The following SLC26A8 variants were observed in gnomAD, a reference collection of about 807,000 sequenced individuals.
SLC26A8 encodes the protein solute carrier family 26 member 8.
Under a neutral mutation model 105.0 loss-of-function variants are expected in SLC26A8, and 70 were observed. The observed-to-expected ratio is 0.67, with a 90% confidence interval of 0.55 to 0.81. SLC26A8 has a LOEUF of 0.81. SLC26A8 is among the 40% of genes least tolerant of loss of function. The pLI is 0.00. For missense variants in SLC26A8, 998 were observed against 1,181.8 expected (o/e 0.84, Z 2.28); for synonymous variants, 415 against 438.3 (o/e 0.95, Z 0.66).
At chr6:36,002,711 C>CT (rs34341096) in intron 3 of SLC26A8, among the ~76,000 whole-genome samples, 80,719 of 144,660 alleles carry the variant, frequency 0.56, 22,665 homozygotes, top group South Asian at 0.7. Flanking sequence ...GCTTTTCAAT[C>CT]TTTTTTTTTT....
rs1772280022 is a variant in SLC26A8 at position 35,960,846 on chromosome 6, C to G, written c.1635G>C (p.Arg545=). 1 of 1,613,946 alleles carries G rather than the reference C, an allele frequency of 6.2e-7. No individual in the cohort carries two copies. The highest frequency in any genetic ancestry group is 1.7e-5 in the Admixed American group (1 of 59,998). The change falls in exon 14 of 20, where the codon CGG becomes CGC. Residue 545 remains arginine, a synonymous_variant. Coordinates refer to ENST00000490799, the MANE Select transcript of SLC26A8 (RefSeq NM_052961.4). ...TGGGACCCATTTGGATTCTTACCTC[C>G]CGATAATCATTGATGCTTCTATAAA... The part of the protein sequence containing the change: ...TNIYRSINDY[R]EIITIPGVKI...
chr6:36,001,243 C>T (rs1189427586), intron 3 of SLC26A8, among the ~76,000 whole-genome samples: 1 of 152,142 alleles, frequency 6.6e-6, no homozygotes, highest in African/African-American at 2.4e-5. Flanking sequence ...ATTCTCCTGC[C>T]TCAGCCTCCC....
In SLC26A8 at chr6:36,019,696, T is replaced by C. The variant is rs774455395; in HGVS notation, c.12A>G (p.Leu4=). The C allele has an allele frequency of 1.2e-6, 2 of 1,612,966 alleles. No homozygotes were observed. The highest frequency in any genetic ancestry group is 1.7e-6 in the Non-Finnish European group (2 of 1,179,344). ...TGAAGCCAGAGATGGCGCTCCTCTC[T>C]AGTTGTGCCATTCCTGGATGAGTGG... MAQ[L]ERSAISGFSS... Residue 4 remains leucine, a synonymous_variant, in exon 2 of 20, where the codon CTA becomes CTG. Coordinates refer to ENST00000490799, the MANE Select transcript of SLC26A8 (RefSeq NM_052961.4).
At chr6:35,979,231 A>G (rs113528752) in intron 8 of SLC26A8, among the ~76,000 whole-genome samples, 30 of 151,928 alleles carry the variant, frequency 2.0e-4, no homozygotes, top group African/African-American at 7.2e-4. Context: ...TAATCCCAGC[A>G]CTTTGGGAGG....
intron 7 of SLC26A8, among the ~76,000 whole-genome samples, chr6:35,988,253 A>T (rs1773610487): frequency 6.6e-6 from 1 of 152,174 alleles, no homozygotes; most frequent in South Asian, 2.1e-4. Flanking sequence ...GACTTAGAAA[A>T]TCTGAGCTTT....
intron 5 of SLC26A8, among the ~76,000 whole-genome samples, chr6:35,994,931 A>G (rs1017219037): frequency 6.6e-6 from 1 of 152,180 alleles, no homozygotes; most frequent in Non-Finnish European, 1.5e-5. Flanking sequence ...AGTGTGGTGA[A>G]AAAAGCATGG....
At chr6:36,012,522 G>A in intron 2 of SLC26A8, 150 bp from the exon 3 acceptor site, 2 of 863,776 alleles carry the variant, frequency 2.3e-6, no homozygotes, top group Admixed American at 3.3e-5. Flanking sequence ...ATAATTCTTT[G>A]TTGTTGGGCT....
rs73405869 is a variant in SLC26A8 at position 35,997,504 on chromosome 6, G to A, written c.627+234C>T. On this transcript the variant is annotated intron_variant, in intron 5 of 19. Coordinates refer to ENST00000490799, the MANE Select transcript of SLC26A8 (RefSeq NM_052961.4). ...AGACCCTTTGTCTTAGAGGTGAAAG[G>A]ACTGAAGAGAATGTTTAATATCTCA... 2.4e-3 allele frequency among the ~76,000 whole-genome samples: 362 copies of A among 152,288 alleles called. 3 individuals carry two copies. The highest frequency in any genetic ancestry group is 7.8e-3 in the African/African-American group (322 of 41,542).
chr6:35,997,943 A>T, intron 4 of SLC26A8, 24 bp from the exon 5 acceptor site: 2 of 1,607,494 alleles, frequency 1.2e-6, no homozygotes, highest in Non-Finnish European at 1.7e-6. Context: ...TGTTAGGTAG[A>T]AGGTGAAGTT....
At chr6:36,024,202 T>C (rs1477979729) in intron 1 of SLC26A8, 1 of 284,796 alleles carries the variant, frequency 3.5e-6, no homozygotes, top group Non-Finnish European at 6.9e-6. Flanking sequence ...GGGGTGCAGG[T>C]AGCACGTCAG....
At chr6:35,972,393 G>GA (rs112299073) in intron 10 of SLC26A8, among the ~76,000 whole-genome samples, 18,180 of 133,556 alleles carry the variant, frequency 0.14, 2,147 homozygotes, top group African/African-American at 0.34. Context: ...CCCTGTCTCT[G>GA]AAAAAAAAAA....
intron 7 of SLC26A8, 72 bp from the exon 8 acceptor site, chr6:35,982,275 G>C (rs1405737585): frequency 1.4e-6 from 2 of 1,475,108 alleles, no homozygotes; most frequent in Non-Finnish European, 1.9e-6. Context: ...TCTAGAAGCA[G>C]AGTTGCCCAT....
At position 35,964,200 on chromosome 6, in the gene SLC26A8, C is replaced by A. The variant is rs1772415231; in HGVS notation, c.1366-1579G>T. On this transcript the variant is annotated intron_variant, in intron 11 of 19. Coordinates refer to ENST00000490799, the MANE Select transcript of SLC26A8 (RefSeq NM_052961.4). The stretch of plus-strand genomic sequence containing the variant: ...CTCCAGCCCAGTGAAAGAGCAAGAC[C>A]CTGTCTCACAAAAATAAAATAAAAT... 2.0e-5 allele frequency among the ~76,000 whole-genome samples: 3 copies of A among 152,076 alleles called. No homozygotes were observed. In the South Asian group the frequency reaches 6.2e-4, roughly 32 times the overall value.
intron 1 of SLC26A8, chr6:36,024,189 G>A: frequency 3.7e-6 from 1 of 271,058 alleles, no homozygotes; most frequent in Non-Finnish European, 7.2e-6. Flanking sequence ...TGGGGTAGGC[G>A]GTGGGGTGCA....
intron 3 of SLC26A8, among the ~76,000 whole-genome samples, chr6:36,001,167 T>C (rs924387279): frequency 3.3e-5 from 5 of 151,940 alleles, no homozygotes; most frequent in Non-Finnish European, 7.4e-5. Flanking sequence ...CTTGCTCTGT[T>C]GCCCAGGCTG....
chr6:36,012,424 G>T (rs770127524), intron 2 of SLC26A8, 52 bp from the exon 3 acceptor site: 3 of 1,525,218 alleles, frequency 2.0e-6, no homozygotes, highest in Non-Finnish European at 1.8e-6. Flanking sequence ...GAAAATGCCC[G>T]CATAGCCAAG....
chr6:35,958,939 C>G (rs1027275792), intron 16 of SLC26A8, among the ~76,000 whole-genome samples: 3 of 152,082 alleles, frequency 2.0e-5, no homozygotes, highest in African/African-American at 7.2e-5. Context: ...CTGTAAAATT[C>G]CCATCTGAAA....
At chr6:36,012,974 G>A (rs1377146912) in intron 2 of SLC26A8, among the ~76,000 whole-genome samples, 1 of 152,192 alleles carries the variant, frequency 6.6e-6, no homozygotes, top group Non-Finnish European at 1.5e-5. Context: ...CTGTGGAGGA[G>A]AGGAGAGCAT....
At chr6:35,970,020 T>C (rs950630786) in intron 10 of SLC26A8, among the ~76,000 whole-genome samples, 1 of 152,182 alleles carries the variant, frequency 6.6e-6, no homozygotes, top group East Asian at 1.9e-4. Flanking sequence ...CATTATATCC[T>C]CTATTGGTAA....
Sources: gnomAD v4.1 joint callset for allele counts (sites outside exome capture counted in the v4.1 genomes callset) on GRCh38, gnomAD v4.1.1 for gene constraint, MANE v1.5 for transcripts, NCBI Gene and HGNC (gene_info 2026-07-23, HGNC 2026-07-21) for gene names.